The following ASB7 variants were observed in gnomAD, a reference collection of about 807,000 sequenced individuals.
ASB7 encodes the protein ankyrin repeat and SOCS box containing 7.
A neutral mutation model predicts 32.5 loss-of-function variants in ASB7; 4 were observed. That is an observed-to-expected ratio of 0.12 (90% CI 0.06 to 0.28). ASB7 has a LOEUF of 0.28. Ranked by LOEUF, ASB7 falls within the 10% of genes least tolerant of loss-of-function variation. ASB7 has a pLI of 1.00. For missense variants in ASB7, 181 were observed against 407.1 expected (o/e 0.44, Z 4.78); for synonymous variants, 172 against 155.6 (o/e 1.11, Z -0.78).
rs2040027705 is a variant in ASB7 at position 100,650,919 on chromosome 15, G to T, written c.*2457G>T. 1 of 152,224 alleles carries T rather than the reference G, an allele frequency of 6.6e-6. No individual in the cohort carries two copies. The highest frequency in any genetic ancestry group is 6.5e-5 in the Admixed American group (1 of 15,278). The allele number at this position is 152,224 out of a possible 1,614,324, so 9.4% of individuals were successfully genotyped here. A position where few individuals can be genotyped will look rare whatever the true frequency, so the allele number is the denominator to read the frequency against. On this transcript the variant is annotated 3_prime_UTR_variant, in exon 6 of 6. Coordinates refer to ENST00000332783, the MANE Select transcript of ASB7 (RefSeq NM_198243.3). ...CACCTGCAGGTCTGCATTTGAATTGGATTCACAGAGAAGCATTCCATGGTC... is the reference window on the plus strand; with the variant it reads ...CACCTGCAGGTCTGCATTTGAATTGTATTCACAGAGAAGCATTCCATGGTC...
At chr15:100,632,657 C>T (rs187264742) in intron 5 of ASB7, among the ~76,000 whole-genome samples, 7 of 152,214 alleles carry the variant, frequency 4.6e-5, no homozygotes, top group South Asian at 2.1e-4. Flanking sequence ...GATTGGAGAT[C>T]GCAGACTGCC....
Position 100,629,849 on chromosome 15 carries a change from G to A in ASB7, c.624G>A (p.Leu208=). The part of the protein sequence containing the change: ...MFLQRGADTN[L]GRLEDGQTPL... ...TTCAGAGAGGGGCAGACACAAACTT[G>A]GGTCGCTTAGAAGACGGACAGACTC... Residue 208 remains leucine, a synonymous_variant, in exon 5 of 6, where the codon TTG becomes TTA. Transcript: ENST00000332783. The surrounding 1 kb of genome is among the most constrained non-coding windows in gnomAD (Gnocchi z 6.8). 4 of 1,614,200 alleles carry A rather than the reference G, an allele frequency of 2.5e-6. No homozygotes were observed. The highest frequency in any genetic ancestry group is 2.5e-6 in the Non-Finnish European group (3 of 1,180,040).
chr15:100,615,452 G>C lies in ASB7; in HGVS notation c.211+3025G>C, dbSNP rs1040638520. On this transcript the variant is annotated intron_variant, in intron 4 of 5. Coordinates refer to ENST00000332783, the MANE Select transcript of ASB7 (RefSeq NM_198243.3). ...ACATATTGATTCACTCTTCTTTTCA[G>C]CTGCTGAATATAGTATTGATAGGTA... 3.9e-5 allele frequency among the ~76,000 whole-genome samples: 6 copies of C among 152,258 alleles called. No homozygotes were observed. The South Asian group carries it at 8.3e-4, about 21-fold the overall frequency.
intron 4 of ASB7, among the ~76,000 whole-genome samples, chr15:100,625,356 C>T (rs2039828830): frequency 6.6e-6 from 1 of 152,062 alleles, no homozygotes; most frequent in Admixed American, 6.5e-5. Flanking sequence ...TGTTCTAGAA[C>T]TAAAAGTGAT....
At chr15:100,610,744 G>T (rs1435324439) in intron 3 of ASB7, among the ~76,000 whole-genome samples, 23 of 152,060 alleles carry the variant, frequency 1.5e-4, no homozygotes, top group Non-Finnish European at 1.5e-5. Flanking sequence ...AACGATTGTT[G>T]GTAGCAAGAT....
intron 4 of ASB7, 88 bp downstream of exon 4, chr15:100,612,515 C>T (rs1778921407): frequency 8.2e-7 from 1 of 1,226,640 alleles, no homozygotes; most frequent in Non-Finnish European, 1.2e-6. Context: ...ATTTTTAATG[C>T]TTCTCTTCTG....
chr15:100,626,573 C>T (rs559172339), intron 4 of ASB7, among the ~76,000 whole-genome samples: 2 of 152,246 alleles, frequency 1.3e-5, no homozygotes, highest in East Asian at 1.9e-4. Flanking sequence ...GCAAGTCTCT[C>T]GTGGGTATTG....
At chr15:100,644,734 A>G (rs1003200929) in intron 5 of ASB7, among the ~76,000 whole-genome samples, 2 of 152,220 alleles carry the variant, frequency 1.3e-5, no homozygotes, top group Non-Finnish European at 2.9e-5. Flanking sequence ...GGAGTATCTG[A>G]TGGTGAATCC....
chr15:100,648,307 T>G lies in ASB7; in HGVS notation c.818-16T>G. ...CTTTGTGGCTTTGTAACATTTTCTT[T>G]TTTCTGTCTTTTTAGGACAGCCCAG... On this transcript the variant is annotated splice_polypyrimidine_tract_variant and intron_variant, in intron 5 of 5. Transcript: ENST00000332783. 1 of 1,568,458 alleles carries G rather than the reference T, an allele frequency of 6.4e-7. No individual in the cohort carries two copies. The highest frequency in any genetic ancestry group is 8.6e-7 in the Non-Finnish European group (1 of 1,162,940).
rs966953568 is a variant in ASB7, at chr15:100,648,444, C to T, written c.939C>T (p.His313=). The part of the protein sequence containing the change: ...IAKVMKDYLK[H]KFDDI ...AGGTCATGAAAGACTACTTAAAACA[C>T]AAATTTGATGATATCTGATATGCCA... The change falls in exon 6 of 6, where the codon CAC becomes CAT. Residue 313 remains histidine, a synonymous_variant. Coordinates refer to ENST00000332783, the MANE Select transcript of ASB7 (RefSeq NM_198243.3). The T allele has an allele frequency of 1.9e-6, 3 of 1,607,534 alleles. No individual in the cohort carries two copies. Among genetic ancestry groups the T allele is most frequent in the Non-Finnish European group, 2.6e-6 (3 of 1,175,342 alleles).
rs146788208 is a variant in ASB7 at position 100,644,418 on chromosome 15, G to A, written c.818-3905G>A. 6.6e-5 allele frequency among the ~76,000 whole-genome samples: 10 copies of A among 152,292 alleles called. No homozygotes were observed. The East Asian group carries it at 1.9e-3, about 29-fold the overall frequency. On this transcript the variant is annotated intron_variant, in intron 5 of 5. Coordinates refer to ENST00000332783, the MANE Select transcript of ASB7 (RefSeq NM_198243.3). The stretch of plus-strand genomic sequence containing the variant: ...GATAATTTATTCTTTTCCTAAAGTA[G>A]CCCATGAATAGTGTTGAAAAATAAT...
chr15:100,644,562 C>A (rs1223536555), intron 5 of ASB7, among the ~76,000 whole-genome samples: 2 of 152,194 alleles, frequency 1.3e-5, no homozygotes, highest in Non-Finnish European at 2.9e-5. Flanking sequence ...TCGCCGAGTA[C>A]CGTGTCAGCA....
At chr15:100,626,729 T>C (rs1464609626) in intron 4 of ASB7, among the ~76,000 whole-genome samples, 1 of 152,110 alleles carries the variant, frequency 6.6e-6, no homozygotes, top group African/African-American at 2.4e-5. Flanking sequence ...GCCCATCTTC[T>C]CATCAATTGA....
chr15:100,605,180 C>T (rs577560047), intron 2 of ASB7, among the ~76,000 whole-genome samples: 1 of 152,290 alleles, frequency 6.6e-6, no homozygotes, highest in South Asian at 2.1e-4. Flanking sequence ...AAATTGTCAA[C>T]ATCTGTCATG....
chr15:100,605,466 C>T lies in ASB7; in HGVS notation c.-174+2153C>T, dbSNP rs543730549. On this transcript the variant is annotated intron_variant, in intron 2 of 5. Coordinates refer to ENST00000332783, the MANE Select transcript of ASB7 (RefSeq NM_198243.3). ...CATCTTTAGTATACTGTGGCCAGTACTTACATTCTTTACACATAAAGTGAT... is the reference window on the plus strand; with the variant it reads ...CATCTTTAGTATACTGTGGCCAGTATTTACATTCTTTACACATAAAGTGAT... 2.0e-5 allele frequency among the ~76,000 whole-genome samples: 3 copies of T among 152,266 alleles called. No homozygotes were observed. In the South Asian group the frequency reaches 6.2e-4, roughly 32 times the overall value.
intron 1 of ASB7, 41 bp from the exon 2 acceptor site, chr15:100,603,174 C>T (rs926754440): frequency 5.3e-5 from 21 of 394,378 alleles, no homozygotes; most frequent in Non-Finnish European, 8.5e-5. Context: ...CCCTCCCCAC[C>T]TCTGAGACAC....
intron 5 of ASB7, among the ~76,000 whole-genome samples, chr15:100,631,849 G>A (rs4398095): frequency 0.98 from 149,338 of 152,300 alleles, 73,295 homozygotes; most frequent in Middle Eastern, 1. Context: ...GTTTTTCAAG[G>A]TGAAGTGTGT....
chr15:100,603,877 C>T (rs1171479238), intron 2 of ASB7, among the ~76,000 whole-genome samples: 2 of 152,164 alleles, frequency 1.3e-5, no homozygotes, highest in African/African-American at 2.4e-5. Flanking sequence ...GAAAGCCAAC[C>T]TGTGTACCTT....
intron 5 of ASB7, among the ~76,000 whole-genome samples, chr15:100,639,697 A>G (rs1003485330): frequency 6.6e-6 from 1 of 152,228 alleles, no homozygotes; most frequent in Non-Finnish European, 1.5e-5. Flanking sequence ...TAATTATATC[A>G]TAGTCTTACT....
Sources: allele counts gnomAD v4.1 joint callset (sites outside exome capture counted in the v4.1 genomes callset), GRCh38; gene constraint gnomAD v4.1.1; non-coding constraint Gnocchi (gnomAD v3.1); transcripts MANE v1.5; gene names NCBI Gene and HGNC (gene_info 2026-07-23, HGNC 2026-07-21).